Variants in SHISA8 observed in about 807,000 individuals in gnomAD.
The protein encoded by SHISA8 is protein shisa-8.
SHISA8 carries 21 observed loss-of-function variants against 21.1 expected under a neutral mutation model. The ratio of observed to expected loss-of-function variants is 0.99; its 90% CI spans 0.71 to 1.43. SHISA8 has a LOEUF of 1.43. Among genes scored for constraint, SHISA8 ranks in the 40% most tolerant of loss-of-function variants. The pLI is 0.00. For missense variants in SHISA8, 535 were observed against 599.1 expected (o/e 0.89, Z 1.12); for synonymous variants, 300 against 291.4 (o/e 1.03, Z -0.30).
In SHISA8 at chr22:41,911,244, G is replaced by A. The variant is rs1346667432; in HGVS notation, c.636C>T (p.Leu212=). ...CGCTGTTGTGGGGGGAGCCCCGGGGGAGGCCGTCCCCCATCTGCACCTGGA... is the reference window on the plus strand; with the variant it reads ...CGCTGTTGTGGGGGGAGCCCCGGGGAAGGCCGTCCCCCATCTGCACCTGGA... ...GCVQVQMGDG[L]PRGSPHNSAD... is the part of the protein sequence containing the mutation. The change falls in exon 2 of 4, where the codon CTC becomes CTT. Residue 212 remains leucine, a synonymous_variant. Transcript: ENST00000621082. 1.5e-5 allele frequency: 19 copies of A among 1,284,544 alleles called. No individual in the cohort carries two copies. Among genetic ancestry groups the A allele is most frequent in the East Asian group, 3.1e-5 (1 of 32,110 alleles). 79.6% of individuals were successfully genotyped at this position (1,284,544 alleles called of 1,614,324 possible).
Position 41,909,739 on chromosome 22 carries a change from T to G in SHISA8, c.*26A>C. ...GACGGGCAGACAGGACCCCAGCCCATGCCTCGAGGGCACCGCGGCCCCGCT... is the reference window on the plus strand; with the variant it reads ...GACGGGCAGACAGGACCCCAGCCCAGGCCTCGAGGGCACCGCGGCCCCGCT... On this transcript the variant is annotated 3_prime_UTR_variant, in exon 4 of 4. Transcript: ENST00000621082. The G allele has an allele frequency of 1.4e-6, 2 of 1,412,044 alleles. No individual in the cohort carries two copies. Among genetic ancestry groups the G allele is most frequent in the Non-Finnish European group, 1.9e-6 (2 of 1,080,864 alleles). 87.5% of individuals were successfully genotyped at this position (1,412,044 alleles called of 1,614,324 possible). A position where few individuals can be genotyped will look rare whatever the true frequency, so the allele number is the denominator to read the frequency against.
chr22:41,910,297 C>A lies in SHISA8; in HGVS notation c.811+111G>T. On this transcript the variant is annotated intron_variant, in intron 3 of 3. Transcript: ENST00000621082. The surrounding 1 kb of genome is among the most constrained non-coding windows in gnomAD (Gnocchi z 6.8). ...GGGGCGAGGGAGCCGATTGGCCGAGCGGCGGGCGCGCGGAACTGGGAATTT... is the reference window on the plus strand; with the variant it reads ...GGGGCGAGGGAGCCGATTGGCCGAGAGGCGGGCGCGCGGAACTGGGAATTT... 1 of 1,234,630 alleles carries A rather than the reference C, an allele frequency of 8.1e-7. No homozygotes were observed. Among genetic ancestry groups the A allele is most frequent in the Non-Finnish European group, 1.0e-6 (1 of 987,406 alleles). The allele number at this position is 1,234,630 out of a possible 1,614,324, so 76.5% of individuals were successfully genotyped here. A position where few individuals can be genotyped will look rare whatever the true frequency, so the allele number is the denominator to read the frequency against.
Position 41,909,855 on chromosome 22 carries a change from G to A in SHISA8, c.1104C>T (p.Thr368=), listed in dbSNP as rs1569416431. ...RRQFSVKMPE[T]FNPQLPGLYG... is the part of the protein sequence containing the mutation. ...AAAGGCCGGGGAGCTGCGGGTTGAA[G>A]GTCTCAGGCATCTTCACACTGAACT... The change falls in exon 4 of 4, where the codon ACC becomes ACT. Residue 368 remains threonine (T), a synonymous_variant. Transcript: ENST00000621082. 1.3e-6 allele frequency: 2 copies of A among 1,530,604 alleles called. No homozygotes were observed. The highest frequency in any genetic ancestry group is 8.7e-7 in the Non-Finnish European group (1 of 1,144,574). 94.8% of individuals were successfully genotyped at this position (1,530,604 alleles called of 1,614,324 possible). A position where few individuals can be genotyped will look rare whatever the true frequency, so the allele number is the denominator to read the frequency against.
Position 41,914,125 on chromosome 22 carries a change from G to C in SHISA8, c.530+13C>G, listed in dbSNP as rs2146578726. On this transcript the variant is annotated intron_variant, in intron 1 of 3. Transcript: ENST00000621082. The surrounding 1 kb of genome is among the most constrained non-coding windows in gnomAD (Gnocchi z 6.8). ...GAGGAGCAGGCGGGGGTCCCTGGGC[G>C]GCGCGTGCTCACCTGGTCACTGTGC... 4.3e-6 allele frequency: 6 copies of C among 1,392,036 alleles called. No individual in the cohort carries two copies. In the South Asian group the frequency reaches 9.5e-5, roughly 22 times the overall value. The allele number at this position is 1,392,036 out of a possible 1,614,324, so 86.2% of individuals were successfully genotyped here.
In SHISA8 at chr22:41,910,340, C is replaced by G; in HGVS notation, c.811+68G>C. 3.2e-6 allele frequency: 4 copies of G among 1,259,354 alleles called. No individual in the cohort carries two copies. The highest frequency in any genetic ancestry group is 4.0e-6 in the Non-Finnish European group (4 of 1,001,528). The allele number at this position is 1,259,354 out of a possible 1,614,324, so 78.0% of individuals were successfully genotyped here. On this transcript the variant is annotated intron_variant, in intron 3 of 3. Transcript: ENST00000621082. This position sits in a 1 kb window ranked among gnomAD's most constrained non-coding sequence, Gnocchi z 6.8. ...GGGAATTTGGCGCTTGGAGCTGCGG[C>G]CCCGCGCTTCGCAGTCCGGGAGCTC... is the stretch of plus-strand genomic sequence containing the variant.
chr22:41,914,305 G>T lies in SHISA8; in HGVS notation c.363C>A (p.Pro121=). 8.0e-7 allele frequency: 1 copy of T among 1,251,044 alleles called. No homozygotes were observed. Among genetic ancestry groups the T allele is most frequent in the Non-Finnish European group, 1.0e-6 (1 of 1,001,032 alleles). The allele number at this position is 1,251,044 out of a possible 1,614,324, so 77.5% of individuals were successfully genotyped here. The part of the protein sequence containing the change: ...TPAWVQTGRP[P]ARARDTAAPR... ...GCGCTGCGGTGTCGCGGGCGCGGGC[G>T]GGCGGCCGGCCTGTCTGGACCCAGG... is the stretch of plus-strand genomic sequence containing the variant. The change falls in exon 1 of 4, where the codon CCC becomes CCA. Residue 121 remains proline, a synonymous_variant. Transcript: ENST00000621082. This position sits in a 1 kb window ranked among gnomAD's most constrained non-coding sequence, Gnocchi z 6.8.
At chr22:41,913,155 C>T (rs12160872) in intron 1 of SHISA8, among the ~76,000 whole-genome samples, 10,908 of 152,324 alleles carry the variant, frequency 0.072, 1,264 homozygotes, top group African/African-American at 0.25. Context: ...TACGTGGTTT[C>T]GGGAGCGAGG....
In SHISA8 at chr22:41,910,581, G is replaced by T. The variant is rs1311121693; in HGVS notation, c.665-27C>A. The T allele has an allele frequency of 1.6e-6, 2 of 1,219,516 alleles. No individual in the cohort carries two copies. The highest frequency in any genetic ancestry group is 3.1e-5 in the African/African-American group (2 of 63,640). 75.5% of individuals were successfully genotyped at this position (1,219,516 alleles called of 1,614,324 possible). On this transcript the variant is annotated intron_variant, in intron 2 of 3. Transcript: ENST00000621082. The surrounding 1 kb of genome is among the most constrained non-coding windows in gnomAD (Gnocchi z 6.8). Reference sequence around the variant, plus strand: ...TGGAGCGAGGAGTGAGACGCGGCTCGGTCCGATGCCCCGGTTCACTCCGCC... The same window carrying T: ...TGGAGCGAGGAGTGAGACGCGGCTCTGTCCGATGCCCCGGTTCACTCCGCC...
At chr22:41,913,952 A>G (rs1243517564) in intron 1 of SHISA8, among the ~76,000 whole-genome samples, 186 bp downstream of exon 1, 1 of 148,788 alleles carries the variant, frequency 6.7e-6, no homozygotes, top group Non-Finnish European at 1.5e-5. Context: ...GGTCAAAGGG[A>G]GTCAGGGCGG....
chr22:41,913,935 G>C (rs1480049848), intron 1 of SHISA8, among the ~76,000 whole-genome samples: 1 of 151,984 alleles, frequency 6.6e-6, no homozygotes, highest in Non-Finnish European at 1.5e-5. Context: ...GCCCAGCACG[G>C]GCAGAAGGTC....
In SHISA8 at chr22:41,914,563, C is replaced by T. The variant is rs2077574164; in HGVS notation, c.105G>A (p.Ser35=). Residue 35 remains serine, a synonymous_variant, in exon 1 of 4, where the codon TCG becomes TCA. Coordinates refer to ENST00000621082, the MANE Select transcript of SHISA8 (RefSeq NM_001207020.3). The surrounding 1 kb of genome is among the most constrained non-coding windows in gnomAD (Gnocchi z 6.8). ...GCGCCTCGGGGGCTCCCGCGCGGCC[C>T]GACGGCGGCCGCGCCAGCAGCAACG... ...RLALLLARPP[S]GRAGAPEAQG... is the part of the protein sequence containing the mutation. 8.5e-7 allele frequency: 1 copy of T among 1,169,828 alleles called. No individual in the cohort carries two copies. The highest frequency in any genetic ancestry group is 1.1e-6 in the Non-Finnish European group (1 of 949,814). 72.5% of individuals were successfully genotyped at this position (1,169,828 alleles called of 1,614,324 possible). A position where few individuals can be genotyped will look rare whatever the true frequency, so the allele number is the denominator to read the frequency against.
At position 41,914,643 on chromosome 22, in the gene SHISA8, G is replaced by A; in HGVS notation, c.25C>T (p.Leu9=). 28 of 1,028,676 alleles carry A rather than the reference G, an allele frequency of 2.7e-5. No homozygotes were observed. The highest frequency in any genetic ancestry group is 3.1e-5 in the Non-Finnish European group (27 of 860,276). 63.7% of individuals were successfully genotyped at this position (1,028,676 alleles called of 1,614,324 possible). The part of the protein sequence containing the change: MARAGARG[L]LGGRRPPGLR... ...CCGGGAGGACGGCGGCCGCCGAGCA[G>A]TCCCCGCGCCCCGGCCCGCGCCATC... The change falls in exon 1 of 4, where the codon CTG becomes TTG. Residue 9 remains leucine, a synonymous_variant. Transcript: ENST00000621082. The surrounding 1 kb of genome is among the most constrained non-coding windows in gnomAD (Gnocchi z 6.8).
chr22:41,910,562 G>A lies in SHISA8; in HGVS notation c.665-8C>T. 1 of 1,224,886 alleles carries A rather than the reference G, an allele frequency of 8.2e-7. No homozygotes were observed. Among genetic ancestry groups the A allele is most frequent in the South Asian group, 4.0e-5 (1 of 25,086 alleles). The allele number at this position is 1,224,886 out of a possible 1,614,324, so 75.9% of individuals were successfully genotyped here. A position where few individuals can be genotyped will look rare whatever the true frequency, so the allele number is the denominator to read the frequency against. ...TGTTGAGGCGCTTCTTGTCTGGAGC[G>A]AGGAGTGAGACGCGGCTCGGTCCGA... On this transcript the variant is annotated splice_region_variant and splice_polypyrimidine_tract_variant and intron_variant, in intron 2 of 3. Coordinates refer to ENST00000621082, the MANE Select transcript of SHISA8 (RefSeq NM_001207020.3). This position sits in a 1 kb window ranked among gnomAD's most constrained non-coding sequence, Gnocchi z 6.8.
intron 1 of SHISA8, among the ~76,000 whole-genome samples, chr22:41,912,981 C>T (rs767757457): frequency 6.6e-6 from 1 of 152,274 alleles, no homozygotes; most frequent in Non-Finnish European, 1.5e-5. Context: ...GCTACCCTCA[C>T]CCATCATGGG....
At chr22:41,912,591 A>G (rs2077559634) in intron 1 of SHISA8, among the ~76,000 whole-genome samples, 1 of 152,044 alleles carries the variant, frequency 6.6e-6, no homozygotes, top group African/African-American at 2.4e-5. Flanking sequence ...TGCCCCGCCC[A>G]AGCCCTCTGA....
chr22:41,913,286 G>C (rs1174890193), intron 1 of SHISA8, among the ~76,000 whole-genome samples: 2 of 152,270 alleles, frequency 1.3e-5, no homozygotes, highest in African/African-American at 4.8e-5. Context: ...ATACCAGCCT[G>C]TCACATTCGG....
Position 41,914,298 on chromosome 22 carries a change from C to G in SHISA8, c.370G>C (p.Ala124Pro), listed in dbSNP as rs1602366335. The change falls in exon 1 of 4, where the codon GCC becomes CCC. Residue 124 changes from alanine to proline, a missense_variant. Ala to Pro is a conservative substitution (Grantham distance 27). Transcript: ENST00000621082. This position sits in a 1 kb window ranked among gnomAD's most constrained non-coding sequence, Gnocchi z 6.8. The stretch of plus-strand genomic sequence containing the variant: ...TCCCGGGGCGCTGCGGTGTCGCGGG[C>G]GCGGGCGGGCGGCCGGCCTGTCTGG... ...WVQTGRPPAR[A>P]RDTAAPRDPG... is the part of the protein sequence containing the mutation. 6 of 1,251,082 alleles carry G rather than the reference C, an allele frequency of 4.8e-6. No homozygotes were observed. The highest frequency in any genetic ancestry group is 1.6e-5 in the African/African-American group (1 of 64,078). The allele number at this position is 1,251,082 out of a possible 1,614,324, so 77.5% of individuals were successfully genotyped here.
At chr22:41,912,587 G>A (rs1042303725) in intron 1 of SHISA8, among the ~76,000 whole-genome samples, 1 of 152,024 alleles carries the variant, frequency 6.6e-6, no homozygotes, top group Non-Finnish European at 1.5e-5. Context: ...CAGATGCCCC[G>A]CCCAAGCCCT....
chr22:41,913,721 G>C (rs1008729120), intron 1 of SHISA8, among the ~76,000 whole-genome samples: 3 of 152,228 alleles, frequency 2.0e-5, no homozygotes, highest in African/African-American at 7.2e-5. Context: ...GAGGAGTGGG[G>C]AGAAGCAGGA....
Sources: allele counts gnomAD v4.1 joint callset (sites outside exome capture counted in the v4.1 genomes callset), GRCh38; gene constraint gnomAD v4.1.1; non-coding constraint Gnocchi (gnomAD v3.1); transcripts MANE v1.5; gene names NCBI Gene and HGNC (gene_info 2026-07-23, HGNC 2026-07-21).